PCDHA2: variants seen among roughly 807,000 people sequenced by gnomAD.
PCDHA2 encodes the protein protocadherin alpha 2, also known as protocadherin alpha-2.
In PCDHA2, 58 loss-of-function variants were observed where a neutral mutation model predicts 66.0. The ratio of observed to expected loss-of-function variants is 0.88; its 90% CI spans 0.71 to 1.09. The LOEUF is 1.09. Among genes scored for constraint, PCDHA2 ranks in the 50% least tolerant of loss-of-function variants. PCDHA2 has a pLI of 0.00. For missense variants in PCDHA2, 1,267 were observed against 1,242.3 expected, an observed-to-expected ratio of 1.02 and a Z score of -0.30; for synonymous variants, 634 against 554.0, an observed-to-expected ratio of 1.14 and a Z score of -2.03.
At chr5:140,871,376 G>C in intron 1 of PCDHA2, 1 of 1,614,196 alleles carries the variant, frequency 6.2e-7, no homozygotes, top group Non-Finnish European at 8.5e-7. Flanking sequence ...CAGAGGGTGT[G>C]CTCTGAGGAG....
rs1554231011 is a variant in PCDHA2 at position 140,968,738 on chromosome 5, C to G, written c.2389-10211C>G. 10 of 1,614,040 alleles carry G rather than the reference C, an allele frequency of 6.2e-6. No individual in the cohort carries two copies. The Admixed American group carries it at 6.7e-5, about 11-fold the overall frequency. On this transcript the variant is annotated intron_variant, in intron 1 of 3. Transcript: ENST00000526136. ...AGATGAGAGTGGTAGCACTTTCAAC[C>G]TGACCGTGGTGGTCCGAGATAATGG...
In PCDHA2 at chr5:141,011,172, A is replaced by G. The variant is rs377766708; in HGVS notation, c.*1235A>G. On this transcript the variant is annotated 3_prime_UTR_variant, in exon 4 of 4. Transcript: ENST00000526136. ...TCTAACCAACTATATATCAAGACCC[A>G]AAAATTGAAGAAAAATATTGTTTTC... 53 of 153,852 alleles carry G rather than the reference A, an allele frequency of 3.4e-4. No individual in the cohort carries two copies. Among genetic ancestry groups the G allele is most frequent in the African/African-American group, 1.2e-3 (51 of 41,568 alleles). 9.5% of individuals were successfully genotyped at this position (153,852 alleles called of 1,614,324 possible).
intron 3 of PCDHA2, among the ~76,000 whole-genome samples, chr5:140,991,094 A>G (rs144874764): frequency 9.8e-4 from 150 of 152,358 alleles, no homozygotes; most frequent in African/African-American, 3.5e-3. Context: ...ATTAAAGCTC[A>G]TAAGAATTAA....
chr5:140,822,214 C>A (rs2150114592), intron 1 of PCDHA2: 1 of 1,614,218 alleles, frequency 6.2e-7, no homozygotes. Context: ...GTCAAGAATG[C>A]CAGATTCGCG....
chr5:140,942,540 G>C lies in PCDHA2; in HGVS notation c.2389-36409G>C, dbSNP rs1013086382. Among the ~76,000 whole-genome samples the C allele has an allele frequency of 8.5e-5, 13 of 152,164 alleles. No homozygotes were observed. In the South Asian group the frequency reaches 1.5e-3, roughly 17 times the overall value. ...GGGGAAGCAACTAACTCAGTATGGT[G>C]GGGGGTAGGGGGTTGAGGCAGAAAA... On this transcript the variant is annotated intron_variant, in intron 1 of 3. Transcript: ENST00000526136.
At chr5:140,841,101 C>T (rs1282601439) in intron 1 of PCDHA2, 2 of 575,780 alleles carry the variant, frequency 3.5e-6, no homozygotes, top group East Asian at 3.0e-5. Context: ...CCAGATATTG[C>T]GGAAGTAATT....
chr5:140,909,268 A>C (rs946921668), intron 1 of PCDHA2, among the ~76,000 whole-genome samples: 1 of 152,240 alleles, frequency 6.6e-6, no homozygotes. Context: ...ACTGAAGGCA[A>C]ATTGCTTCTG....
intron 1 of PCDHA2, among the ~76,000 whole-genome samples, chr5:140,963,504 G>T (rs1044640224): frequency 4.6e-5 from 7 of 152,222 alleles, no homozygotes; most frequent in Admixed American, 1.3e-4. Flanking sequence ...CAAATCTCTT[G>T]AAGGGGTTCT....
At position 140,834,754 on chromosome 5, in the gene PCDHA2, A is replaced by G. The variant is rs2150225554; in HGVS notation, c.2388+37402A>G. 43 of 1,614,038 alleles carry G rather than the reference A, an allele frequency of 2.7e-5. 1 individual carries two copies. The South Asian group carries it at 3.7e-4, about 14-fold the overall frequency. Reference sequence around the variant, plus strand: ...GTTTTCCATGTGGACGTGGAGGTGAAGGACATTAACGACAACCCTCCGGTG... The same window carrying G: ...GTTTTCCATGTGGACGTGGAGGTGAGGGACATTAACGACAACCCTCCGGTG... On this transcript the variant is annotated intron_variant, in intron 1 of 3. Coordinates refer to ENST00000526136, the MANE Select transcript of PCDHA2 (RefSeq NM_018905.3).
intron 1 of PCDHA2, chr5:140,884,448 CCACCGAGGGCGCGTGCGCGCCGGG>C (rs1244657512): frequency 1.9e-6 from 3 of 1,613,716 alleles, no homozygotes; most frequent in Non-Finnish European, 2.5e-6. Context: ...TCGGCACCGC[CCACCGAGGGCGCGTGCGCGCCGGG>C]CAAGCCCACT....
chr5:140,917,778 G>A (rs1271229686), intron 1 of PCDHA2, among the ~76,000 whole-genome samples: 4 of 152,218 alleles, frequency 2.6e-5, no homozygotes, highest in African/African-American at 9.6e-5. Flanking sequence ...TTAGTACCAT[G>A]TTGTTTTGGT....
At chr5:140,809,221 C>A (rs782747524) in intron 1 of PCDHA2, 2 of 1,614,078 alleles carry the variant, frequency 1.2e-6, no homozygotes, top group Non-Finnish European at 1.7e-6. Flanking sequence ...CGCCAAAGGC[C>A]TCCTCACGGG....
intron 1 of PCDHA2, chr5:140,836,790 T>G: frequency 2.1e-6 from 3 of 1,427,258 alleles, no homozygotes; most frequent in Middle Eastern, 1.8e-4. Flanking sequence ...TTAGTTCAAT[T>G]GGTCTCCTTA....
Position 140,856,078 on chromosome 5 carries a change from C to T in PCDHA2, c.2388+58726C>T, listed in dbSNP as rs145849392. On this transcript the variant is annotated intron_variant, in intron 1 of 3. Transcript: ENST00000526136. The stretch of plus-strand genomic sequence containing the variant: ...TTTCCAGATGTAGCTGCCTGGGGGT[C>T]CAGTGTCTGCTGCTCTCGCTTCTTC... 1.4e-3 allele frequency: 2,214 copies of T among 1,594,016 alleles called. 201 individuals are homozygous for T. The highest frequency in any genetic ancestry group is 4.0e-3 in the Admixed American group (234 of 58,882).
rs2098421123 is a variant in PCDHA2, at chr5:141,011,585, A to G, written c.*1648A>G. 6.5e-6 allele frequency: 1 copy of G among 153,746 alleles called. No individual in the cohort carries two copies. The highest frequency in any genetic ancestry group is 1.5e-5 in the Non-Finnish European group (1 of 68,036). 9.5% of individuals were successfully genotyped at this position (153,746 alleles called of 1,614,324 possible). ...TAAAATTTCTTTCTTAAATCAAGAT[A>G]CTGGTGATTCAAGGAATTTTATTTA... On this transcript the variant is annotated 3_prime_UTR_variant, in exon 4 of 4. Coordinates refer to ENST00000526136, the MANE Select transcript of PCDHA2 (RefSeq NM_018905.3).
At chr5:140,845,610 G>A (rs1779953371) in intron 1 of PCDHA2, among the ~76,000 whole-genome samples, 1 of 149,452 alleles carries the variant, frequency 6.7e-6, no homozygotes, top group Non-Finnish European at 1.5e-5. Context: ...ATTAAGTATT[G>A]TGGATTCTGA....
intron 1 of PCDHA2, chr5:140,863,088 C>T: frequency 1.7e-6 from 1 of 574,660 alleles, no homozygotes; most frequent in Non-Finnish European, 3.4e-6. Flanking sequence ...GCGAGATCAG[C>T]ACGACGAGTA....
intron 1 of PCDHA2, chr5:140,803,449 C>CCCCACCCTCT: frequency 1.2e-6 from 2 of 1,614,208 alleles, no homozygotes; most frequent in Non-Finnish European, 1.7e-6. Flanking sequence ...TGGTCATACT[C>CCCCACCCTCT]GCAGCAGAGG....
intron 1 of PCDHA2, chr5:140,882,076 G>A: frequency 1.1e-6 from 1 of 920,546 alleles, no homozygotes. Flanking sequence ...TGCGCATGGT[G>A]TCGCTCTTCA....
Sources: gnomAD v4.1 joint callset for allele counts (sites outside exome capture counted in the v4.1 genomes callset) on GRCh38, gnomAD v4.1.1 for gene constraint, MANE v1.5 for transcripts, NCBI Gene and HGNC (gene_info 2026-07-23, HGNC 2026-07-21) for gene names.